The following NREP variants were observed in gnomAD, a reference collection of about 807,000 sequenced individuals.
NREP encodes neuronal regeneration-related protein.
NREP carries 5 observed loss-of-function variants against 8.6 expected under a neutral mutation model. The observed-to-expected ratio is 0.58, with a 90% CI of 0.30 to 1.22. The LOEUF is 1.22. NREP is among the 50% of genes most tolerant of loss of function. The probability of loss-of-function intolerance (pLI) is 0.07; values close to 1 mark genes in which losing one functional copy is unlikely to be tolerated. For missense variants in NREP, 86 were observed against 82.5 expected, an observed-to-expected ratio of 1.04 and a Z score of -0.17; for synonymous variants, 27 against 28.0, an observed-to-expected ratio of 0.96 and a Z score of 0.11.
intron 2 of NREP, among the ~76,000 whole-genome samples, chr5:111,801,361 C>T (rs1203554836): frequency 6.6e-6 from 1 of 152,162 alleles, no homozygotes; most frequent in Non-Finnish European, 1.5e-5. Context: ...CAAACCAACA[C>T]CTGCTTTAAA....
rs545279895 is a variant in NREP at position 111,882,535 on chromosome 5, C to G, written c.135+92739G>C. On this transcript the variant is annotated intron_variant, in intron 2 of 3. Transcript: ENST00000395634. ...CTCGAAGACACATAATTGTCAGATT[C>G]ACCAAAGTTGAAATGAAGGAAAAAA... Among the ~76,000 whole-genome samples, 3 of 152,220 alleles carry G rather than the reference C, an allele frequency of 2.0e-5. 1 individual carries two copies. In the South Asian group the frequency reaches 6.2e-4, roughly 32 times the overall value.
intron 2 of NREP, among the ~76,000 whole-genome samples, chr5:111,822,175 C>T (rs1444578880): frequency 6.6e-6 from 1 of 152,118 alleles, no homozygotes; most frequent in Non-Finnish European, 1.5e-5. Context: ...ATATGGAAAT[C>T]AAGTCTTTGA....
At chr5:111,785,711 C>T (rs1435335560) in intron 2 of NREP, among the ~76,000 whole-genome samples, 4 of 151,984 alleles carry the variant, frequency 2.6e-5, no homozygotes, top group East Asian at 1.9e-4. Context: ...AGAAAGGGGA[C>T]ATGAAGCTGT....
intron 2 of NREP, among the ~76,000 whole-genome samples, chr5:111,972,427 A>G (rs1385833863): frequency 6.6e-6 from 1 of 152,206 alleles, no homozygotes; most frequent in East Asian, 1.9e-4. Context: ...TTTCAAACCT[A>G]AAGATTCTAA....
intron 2 of NREP, among the ~76,000 whole-genome samples, chr5:111,853,279 G>A (rs910521325): frequency 6.6e-6 from 1 of 151,952 alleles, no homozygotes; most frequent in Non-Finnish European, 1.5e-5. Flanking sequence ...GAAATTTTAG[G>A]GCAGTGAAAC....
At chr5:111,779,658 C>T (rs140804226) in intron 2 of NREP, among the ~76,000 whole-genome samples, 1 of 152,114 alleles carries the variant, frequency 6.6e-6, no homozygotes, top group Non-Finnish European at 1.5e-5. Flanking sequence ...CCGTGAGAAC[C>T]AATATTCTTC....
At chr5:111,785,331 T>G (rs1751584164) in intron 2 of NREP, among the ~76,000 whole-genome samples, 1 of 152,088 alleles carries the variant, frequency 6.6e-6, no homozygotes, top group African/African-American at 2.4e-5. Context: ...CAGGCTGGAG[T>G]GCAGTGGTAT....
chr5:111,924,889 A>G (rs1010357713), intron 2 of NREP, among the ~76,000 whole-genome samples: 10 of 152,142 alleles, frequency 6.6e-5, no homozygotes, highest in African/African-American at 2.4e-4. Context: ...TCCTGGGGCC[A>G]TAAGGATGCT....
At chr5:111,794,334 GT>G (rs1427960735) in intron 2 of NREP, among the ~76,000 whole-genome samples, 1 of 152,166 alleles carries the variant, frequency 6.6e-6, no homozygotes, top group East Asian at 1.9e-4. Flanking sequence ...ACCCAAAGGA[GT>G]TAAAAACTTG....
At chr5:111,886,351 G>C (rs1754248284) in intron 2 of NREP, among the ~76,000 whole-genome samples, 1 of 151,398 alleles carries the variant, frequency 6.6e-6, no homozygotes, top group Non-Finnish European at 1.5e-5. Context: ...TGGAGAAATA[G>C]GAACACTTTT....
rs191660278 is a variant in NREP, at chr5:111,918,178, C to T, written c.135+57096G>A. Among the ~76,000 whole-genome samples, 925 of 152,204 alleles carry T rather than the reference C, an allele frequency of 6.1e-3. 9 individuals carry two copies. The highest frequency in any genetic ancestry group is 0.022 in the African/African-American group (895 of 41,520). On this transcript the variant is annotated intron_variant, in intron 2 of 3. Transcript: ENST00000395634. Reference sequence around the variant, plus strand: ...ATGTGAAGGACCTCTTCAAGGAGAACTACAAACCACTGCTCAAGGAAATAA... The same window carrying T: ...ATGTGAAGGACCTCTTCAAGGAGAATTACAAACCACTGCTCAAGGAAATAA...
At chr5:111,805,786 G>T (rs1399078536) in intron 2 of NREP, among the ~76,000 whole-genome samples, 4 of 152,120 alleles carry the variant, frequency 2.6e-5, no homozygotes, top group Middle Eastern at 3.4e-3. Flanking sequence ...TATCAAATAT[G>T]GCAAAATGTT....
In NREP at chr5:111,729,794, T is replaced by A. The variant is rs1281065450; in HGVS notation, c.*1127A>T. 1 of 152,598 alleles carries A rather than the reference T, an allele frequency of 6.6e-6. No individual in the cohort carries two copies. The highest frequency in any genetic ancestry group is 2.4e-5 in the African/African-American group (1 of 41,434). 9.5% of individuals were successfully genotyped at this position (152,598 alleles called of 1,614,324 possible). ...AAAATGTAAATCTACACCTTGCTTA[T>A]CAAAATTGCCGAAAAAAGAATGCTC... On this transcript the variant is annotated 3_prime_UTR_variant, in exon 4 of 4. Transcript: ENST00000257435.
intron 2 of NREP, among the ~76,000 whole-genome samples, chr5:111,765,643 C>A (rs540863312): frequency 1.3e-5 from 2 of 152,222 alleles, no homozygotes; most frequent in Non-Finnish European, 2.9e-5. Flanking sequence ...CTCCAGAATT[C>A]AGTCTCTTAA....
chr5:111,881,653 C>T (rs1754075468), intron 2 of NREP, among the ~76,000 whole-genome samples: 1 of 152,214 alleles, frequency 6.6e-6, no homozygotes, highest in South Asian at 2.1e-4. Context: ...AACGATCAGA[C>T]AGCAGCATTT....
At chr5:111,733,664 T>C (rs1349072835) in intron 3 of NREP, 1 of 152,080 alleles carries the variant, frequency 6.6e-6, no homozygotes, top group African/African-American at 2.4e-5. Context: ...AAAAAGTTCA[T>C]CCATGGGAAA....
chr5:111,851,140 C>T (rs191240590), intron 2 of NREP, among the ~76,000 whole-genome samples: 2 of 152,314 alleles, frequency 1.3e-5, no homozygotes, highest in East Asian at 1.9e-4. Flanking sequence ...TGACTATGCT[C>T]AGTTCCACCT....
intron 2 of NREP, among the ~76,000 whole-genome samples, chr5:111,933,577 C>G (rs577279123): frequency 1.1e-3 from 162 of 152,146 alleles, no homozygotes; most frequent in Non-Finnish European, 1.9e-3. Context: ...AAGCCAAGGA[C>G]AGAATGACTA....
intron 2 of NREP, among the ~76,000 whole-genome samples, chr5:111,899,703 T>A (rs1424928779): frequency 6.6e-6 from 1 of 152,152 alleles, no homozygotes; most frequent in Non-Finnish European, 1.5e-5. Context: ...GAAACTCACT[T>A]TAACTCTAAA....
Sources: allele counts gnomAD v4.1 joint callset (sites outside exome capture counted in the v4.1 genomes callset), GRCh38; gene constraint gnomAD v4.1.1; transcripts MANE v1.5; gene names NCBI Gene and HGNC (gene_info 2026-07-23, HGNC 2026-07-21).